The following CASR variants were observed in gnomAD, a reference collection of about 807,000 sequenced individuals.
The protein encoded by CASR is extracellular calcium-sensing receptor.
A neutral mutation model predicts 69.1 loss-of-function variants in CASR; 23 were observed. The observed-to-expected ratio is 0.33, with a 90% CI of 0.24 to 0.47. The LOEUF is 0.47. Among genes scored for constraint, CASR ranks in the 20% least tolerant of loss-of-function variants. The pLI is 1.00. For missense variants in CASR, 924 were observed against 1,356.1 expected (o/e 0.68, Z 5.00); for synonymous variants, 541 against 544.7 (o/e 0.99, Z 0.10).
chr3:122,227,292 C>T (rs565006804), intron 1 of CASR, among the ~76,000 whole-genome samples: 21 of 152,052 alleles, frequency 1.4e-4, no homozygotes, highest in Admixed American at 5.9e-4. Flanking sequence ...GCTCCCGCCA[C>T]ACAGGAGCCC....
rs759939185 is a variant in CASR, at chr3:122,261,848, C to A, written c.813C>A (p.Ser271=). 27 of 1,614,078 alleles carry A rather than the reference C, an allele frequency of 1.7e-5. No homozygotes were observed. Among genetic ancestry groups the A allele is most frequent in the Non-Finnish European group, 2.3e-5 (27 of 1,180,036 alleles). The change falls in exon 4 of 7, where the codon TCC becomes TCA. Residue 271 remains serine (S), a synonymous_variant. Transcript: ENST00000639785. ...CGGCCAAAGTCATCGTGGTTTTCTC[C>A]AGTGGCCCAGATCTTGAGCCCCTCA... ...NSTAKVIVVF[S]SGPDLEPLIK... is the part of the protein sequence containing the mutation.
intron 1 of CASR, among the ~76,000 whole-genome samples, chr3:122,215,981 A>G (rs1318806253): frequency 6.6e-6 from 1 of 152,234 alleles, no homozygotes; most frequent in Non-Finnish European, 1.5e-5. Flanking sequence ...TTACCCTCAC[A>G]GAGCCTGTGT....
Position 122,262,226 on chromosome 3 carries a change from G to A in CASR, c.1191G>A (p.Gly397=), listed in dbSNP as rs750504131. 3 of 1,614,134 alleles carry A rather than the reference G, an allele frequency of 1.9e-6. No homozygotes were observed. The highest frequency in any genetic ancestry group is 1.1e-5 in the South Asian group (1 of 91,076). ...SSTAFRPLCT[G]DENISSVETP... ...CAGCCTTCCGACCCCTCTGTACAGG[G>A]GATGAGAACATCAGCAGTGTCGAGA... The change falls in exon 4 of 7, where the codon GGG becomes GGA. Residue 397 remains glycine (G), a synonymous_variant. Coordinates refer to ENST00000639785, the MANE Select transcript of CASR (RefSeq NM_000388.4).
At position 122,291,576 on chromosome 3, in the gene CASR, G is replaced by A. The variant is rs572445100; in HGVS notation, c.*6385G>A. ...ATTTTCTAAATTTTTCCCAAGTTTT[G>A]TATATTAAGCACAAAATTATAACAG... On this transcript the variant is annotated 3_prime_UTR_variant, in exon 7 of 7. Coordinates refer to ENST00000639785, the MANE Select transcript of CASR (RefSeq NM_000388.4). 48 of 152,166 alleles carry A rather than the reference G, an allele frequency of 3.2e-4. No homozygotes were observed. The highest frequency in any genetic ancestry group is 1.2e-3 in the African/African-American group (48 of 41,500). 9.4% of individuals were successfully genotyped at this position (152,166 alleles called of 1,614,324 possible). A position where few individuals can be genotyped will look rare whatever the true frequency, so the allele number is the denominator to read the frequency against.
At chr3:122,212,619 A>G (rs2074079738) in intron 1 of CASR, among the ~76,000 whole-genome samples, 1 of 148,624 alleles carries the variant, frequency 6.7e-6, no homozygotes, top group South Asian at 2.1e-4. Context: ...CCCTAGGAAG[A>G]GTTTTGATTC....
At chr3:122,276,401 G>A (rs2074821443) in intron 5 of CASR, among the ~76,000 whole-genome samples, 1 of 152,218 alleles carries the variant, frequency 6.6e-6, no homozygotes, top group Non-Finnish European at 1.5e-5. Flanking sequence ...GCTCGGCCAA[G>A]GGCAGGGGAG....
Position 122,290,974 on chromosome 3 carries a change from G to T in CASR, c.*5783G>T, listed in dbSNP as rs1047297738. The T allele has an allele frequency of 2.0e-5, 3 of 150,644 alleles. No individual in the cohort carries two copies. Among genetic ancestry groups the T allele is most frequent in the Non-Finnish European group, 4.4e-5 (3 of 67,884 alleles). The allele number at this position is 150,644 out of a possible 1,614,324, so 9.3% of individuals were successfully genotyped here. A position where few individuals can be genotyped will look rare whatever the true frequency, so the allele number is the denominator to read the frequency against. The stretch of plus-strand genomic sequence containing the variant: ...GATTCCCACCTATGAGTGAGAATAC[G>T]TGGTGTTTGGTTTTTTGTCCTTGTA... On this transcript the variant is annotated 3_prime_UTR_variant, in exon 7 of 7. Coordinates refer to ENST00000639785, the MANE Select transcript of CASR (RefSeq NM_000388.4).
At chr3:122,260,804 CA>C (rs1478784802) in intron 3 of CASR, among the ~76,000 whole-genome samples, 3 of 151,910 alleles carry the variant, frequency 2.0e-5, no homozygotes, top group Non-Finnish European at 2.9e-5. Context: ...TATTGTGATA[CA>C]GGGGGATTGA....
chr3:122,205,031 G>C (rs9836990), intron 1 of CASR, among the ~76,000 whole-genome samples: 38,484 of 151,934 alleles, frequency 0.25, 5,488 homozygotes, highest in Admixed American at 0.43. Context: ...TGGGTTGTCT[G>C]TCCACTTTGT....
At chr3:122,210,069 G>A (rs746533104) in intron 1 of CASR, among the ~76,000 whole-genome samples, 69 of 152,084 alleles carry the variant, frequency 4.5e-4, no homozygotes, top group Non-Finnish European at 7.9e-4. Flanking sequence ...GATAAACTAG[G>A]TATTGATGGA....
chr3:122,247,191 A>G (rs1214650752), intron 1 of CASR: 4 of 152,186 alleles, frequency 2.6e-5, no homozygotes, highest in African/African-American at 4.8e-5. Context: ...AGTGTCCCAT[A>G]CCAAAATAAG....
intron 1 of CASR, among the ~76,000 whole-genome samples, chr3:122,251,232 G>T (rs189441879): frequency 6.6e-6 from 1 of 152,268 alleles, no homozygotes; most frequent in Non-Finnish European, 1.5e-5. Flanking sequence ...TTGAGCTCTG[G>T]AATCAGACGT....
Position 122,284,304 on chromosome 3 carries a change from G to C in CASR, c.2350G>C (p.Ala784Pro), listed in dbSNP as rs2074937043. Residue 784 changes from alanine (A) to proline (P), a missense_variant, in exon 7 of 7, where the codon GCT becomes CCT. Transcript: ENST00000639785. ...GFLIGYTCLL[A>P]AICFFFAFKS... ...CCTGATCGGCTACACCTGCCTGCTG[G>C]CTGCCATCTGCTTCTTCTTTGCCTT... The C allele has an allele frequency of 6.2e-7, 1 of 1,613,960 alleles. No individual in the cohort carries two copies. The highest frequency in any genetic ancestry group is 8.5e-7 in the Non-Finnish European group (1 of 1,180,040).
chr3:122,245,176 T>C (rs1424673200), intron 1 of CASR, among the ~76,000 whole-genome samples: 1 of 152,210 alleles, frequency 6.6e-6, no homozygotes, highest in Non-Finnish European at 1.5e-5. Context: ...CAATATCTAA[T>C]ATAACGTGAA....
At chr3:122,220,774 A>C (rs2074162103) in intron 1 of CASR, among the ~76,000 whole-genome samples, 1 of 152,052 alleles carries the variant, frequency 6.6e-6, no homozygotes, top group East Asian at 1.9e-4. Context: ...AGGAGTTTGA[A>C]ACCAGCCTGG....
At position 122,282,126 on chromosome 3, in the gene CASR, A is replaced by G. The variant is rs201202700; in HGVS notation, c.1622A>G (p.Asn541Ser). 28 of 1,614,184 alleles carry G rather than the reference A, an allele frequency of 1.7e-5. No individual in the cohort carries two copies. The highest frequency in any genetic ancestry group is 5.0e-5 in the Admixed American group (3 of 60,032). The change falls in exon 6 of 7, where the codon AAC becomes AGC. Residue 541 changes from asparagine to serine, a missense_variant. Physicochemically the swap from Asn to Ser is conservative, Grantham distance 46. This residue lies in a region of CASR where 310 missense variants were observed against 395.7 expected (regional missense o/e 0.78). Coordinates refer to ENST00000639785, the MANE Select transcript of CASR (RefSeq NM_000388.4). ...TCTGTCCTCCAGGTGCCCTTCTCCAACTGCAGCCGAGACTGCCTGGCAGGG... is the reference window on the plus strand; with the variant it reads ...TCTGTCCTCCAGGTGCCCTTCTCCAGCTGCAGCCGAGACTGCCTGGCAGGG... ...SGFSREVPFS[N>S]CSRDCLAGTR...
intron 3 of CASR, among the ~76,000 whole-genome samples, chr3:122,259,253 A>T (rs545540564): frequency 1.2e-4 from 18 of 152,154 alleles, no homozygotes; most frequent in African/African-American, 3.9e-4. Flanking sequence ...AGCCCTTTTG[A>T]CCTATTTTTG....
chr3:122,214,606 G>C (rs2074098497), intron 1 of CASR, among the ~76,000 whole-genome samples: 1 of 152,074 alleles, frequency 6.6e-6, no homozygotes, highest in African/African-American at 2.4e-5. Flanking sequence ...GATCCAACAG[G>C]GAAAGATGTA....
intron 1 of CASR, among the ~76,000 whole-genome samples, chr3:122,230,007 A>G (rs1373468156): frequency 6.6e-6 from 1 of 152,222 alleles, no homozygotes; most frequent in Non-Finnish European, 1.5e-5. Context: ...TTTCTGAGCC[A>G]CAGTTTACCT....
Sources: gnomAD v4.1 joint callset for allele counts (sites outside exome capture counted in the v4.1 genomes callset) on GRCh38, gnomAD v4.1.1 for gene constraint, gnomAD v4.1.1 regional missense constraint, MANE v1.5 for transcripts, NCBI Gene and HGNC (gene_info 2026-07-23, HGNC 2026-07-21) for gene names.